BICRAL: variants seen among roughly 807,000 people sequenced by gnomAD.
The protein encoded by BICRAL is BICRA like chromatin remodeling complex associated protein.
In BICRAL, 8 loss-of-function variants were observed where a neutral mutation model predicts 91.8. That is an observed-to-expected ratio of 0.09 (90% CI 0.05 to 0.16). The LOEUF is 0.16. Among genes scored for constraint, BICRAL ranks in the 10% least tolerant of loss-of-function variants. The probability of loss-of-function intolerance (pLI) is 1.00; values close to 1 mark genes in which losing one functional copy is unlikely to be tolerated. For synonymous variants in BICRAL, 445 were observed against 491.1 expected (o/e 0.91, Z 1.24); for missense variants, 1,038 against 1,310.9 (o/e 0.79, Z 3.21).
chr6:42,802,268 AAG>A (rs1166769913), intron 1 of BICRAL, among the ~76,000 whole-genome samples: 1 of 149,800 alleles, frequency 6.7e-6, no homozygotes, highest in African/African-American at 2.4e-5. Context: ...GAAAAAGAAA[AAG>A]AAAAAAAATA....
At chr6:42,786,494 A>ACAAAC (rs1554275982) in intron 1 of BICRAL, among the ~76,000 whole-genome samples, 1 of 151,484 alleles carries the variant, frequency 6.6e-6, no homozygotes, top group Non-Finnish European at 1.5e-5. Flanking sequence ...GAAATCTAAA[A>ACAAAC]CTGCTTAGAG....
chr6:42,788,840 G>C (rs184030637), intron 1 of BICRAL, among the ~76,000 whole-genome samples: 1 of 152,312 alleles, frequency 6.6e-6, no homozygotes, highest in East Asian at 1.9e-4. Context: ...CCTTGCCGTG[G>C]CTTGGGGCCA....
chr6:42,814,321 AC>A (rs1291089320), intron 2 of BICRAL, among the ~76,000 whole-genome samples: 1 of 126,594 alleles, frequency 7.9e-6, no homozygotes, highest in Non-Finnish European at 1.7e-5. Context: ...TGTAGTCTCA[AC>A]CCCCTGAGTT....
chr6:42,801,887 AAAAT>A (rs139993040), intron 1 of BICRAL, among the ~76,000 whole-genome samples: 52,845 of 151,452 alleles, frequency 0.35, 9,453 homozygotes, highest in South Asian at 0.47. Context: ...CATCTCAAAA[AAAAT>A]AAATAAAAAT....
chr6:42,789,653 A>G (rs1482292108), intron 1 of BICRAL, among the ~76,000 whole-genome samples: 2 of 152,108 alleles, frequency 1.3e-5, no homozygotes, highest in Non-Finnish European at 2.9e-5. Flanking sequence ...AAAAAAAAAA[A>G]AAAGAATGAA....
At chr6:42,830,224 A>C in intron 6 of BICRAL, 52 bp downstream of exon 6, 1 of 1,564,038 alleles carries the variant, frequency 6.4e-7, no homozygotes, top group Non-Finnish European at 8.7e-7. Context: ...TGGAAAAATG[A>C]GATGTGTATT....
At chr6:42,852,810 A>T (rs1765231218) in intron 7 of BICRAL, among the ~76,000 whole-genome samples, 1 of 148,550 alleles carries the variant, frequency 6.7e-6, no homozygotes, top group Non-Finnish European at 1.5e-5. Flanking sequence ...AGAAACAATA[A>T]ATTGAGGCCG....
intron 1 of BICRAL, among the ~76,000 whole-genome samples, chr6:42,803,117 T>A (rs964612034): frequency 6.6e-6 from 1 of 152,230 alleles, no homozygotes; most frequent in Non-Finnish European, 1.5e-5. Context: ...TCCGAGTCTT[T>A]TAATGAACCA....
intron 1 of BICRAL, among the ~76,000 whole-genome samples, chr6:42,752,665 G>A (rs929517181): frequency 4.6e-5 from 7 of 151,634 alleles, no homozygotes; most frequent in East Asian, 3.9e-4. Flanking sequence ...GTGCAGTGGC[G>A]CCATGTTGAC....
chr6:42,807,565 A>G (rs1440816482), intron 1 of BICRAL, among the ~76,000 whole-genome samples: 1 of 151,764 alleles, frequency 6.6e-6, no homozygotes, highest in Admixed American at 6.6e-5. Flanking sequence ...AAAGATACAG[A>G]TTCTTTTTTT....
chr6:42,824,914 G>A (rs1764246094), intron 5 of BICRAL, among the ~76,000 whole-genome samples: 1 of 152,116 alleles, frequency 6.6e-6, no homozygotes, highest in Non-Finnish European at 1.5e-5. Flanking sequence ...CTTGAGCTCA[G>A]GAGTTTGAGA....
intron 5 of BICRAL, among the ~76,000 whole-genome samples, chr6:42,826,461 C>T (rs751505440): frequency 1.3e-5 from 2 of 151,868 alleles, no homozygotes; most frequent in Non-Finnish European, 2.9e-5. Context: ...TCTTGAACTC[C>T]GGACCTCAGG....
At chr6:42,752,944 G>A (rs1214441445) in intron 1 of BICRAL, among the ~76,000 whole-genome samples, 2 of 145,362 alleles carry the variant, frequency 1.4e-5, no homozygotes, top group Non-Finnish European at 3.0e-5. Flanking sequence ...TTGGTTGGGG[G>A]GGTACGGAGT....
chr6:42,808,491 C>A (rs192006456), intron 1 of BICRAL, among the ~76,000 whole-genome samples: 36 of 152,302 alleles, frequency 2.4e-4, no homozygotes, highest in Admixed American at 1.0e-3. Flanking sequence ...CTAAAATAAT[C>A]ATGGATGTCT....
At chr6:42,764,760 T>G (rs1762607904) in intron 1 of BICRAL, among the ~76,000 whole-genome samples, 1 of 151,960 alleles carries the variant, frequency 6.6e-6, no homozygotes, top group Non-Finnish European at 1.5e-5. Flanking sequence ...CCCGGGTTCA[T>G]GCCATTCTCC....
chr6:42,767,039 C>CA (rs575028938), intron 1 of BICRAL, among the ~76,000 whole-genome samples: 9,714 of 90,982 alleles, frequency 0.11, 389 homozygotes, highest in Middle Eastern at 0.15. Context: ...GACTCCATCT[C>CA]AAAAAAAAAA....
At chr6:42,805,858 C>G (rs1763690274) in intron 1 of BICRAL, among the ~76,000 whole-genome samples, 1 of 151,962 alleles carries the variant, frequency 6.6e-6, no homozygotes, top group Admixed American at 6.6e-5. Context: ...AAAAATTAGC[C>G]AGGTGTGCTG....
upstream of BICRAL, among the ~76,000 whole-genome samples, chr6:42,777,225 T>C (rs1762819551): frequency 6.6e-6 from 1 of 152,206 alleles, no homozygotes; most frequent in Non-Finnish European, 1.5e-5. Context: ...GAACTCTCAT[T>C]ATGTTTCAGA....
At chr6:42,770,483 C>T (rs1486697935) in intron 1 of BICRAL, among the ~76,000 whole-genome samples, 1 of 150,672 alleles carries the variant, frequency 6.6e-6, no homozygotes, top group African/African-American at 2.4e-5. Flanking sequence ...GGCGCAATCT[C>T]AGCTCACTGC....
Sources: gnomAD v4.1 joint callset for allele counts (sites outside exome capture counted in the v4.1 genomes callset) on GRCh38, gnomAD v4.1.1 for gene constraint, MANE v1.5 for transcripts, NCBI Gene and HGNC (gene_info 2026-07-23, HGNC 2026-07-21) for gene names.